Variants in RARA observed in about 807,000 individuals in gnomAD.
The protein encoded by RARA is retinoic acid receptor alpha, also known as PML-DDX5-RARA fusion.
In RARA, 5 loss-of-function variants were observed where a neutral mutation model predicts 42.8. The ratio of observed to expected loss-of-function variants is 0.12; its 90% CI spans 0.06 to 0.25. RARA has a LOEUF of 0.25. Ranked by LOEUF, RARA falls within the 10% of genes least tolerant of loss-of-function variation. The pLI is 1.00. For synonymous variants in RARA, 256 were observed against 259.5 expected (o/e 0.99, Z 0.13); for missense variants, 402 against 628.7 (o/e 0.64, Z 3.86).
At chr17:40,342,843 C>G (rs746496388) in intron 2 of RARA, 1 of 1,613,026 alleles carries the variant, frequency 6.2e-7, no homozygotes, top group Non-Finnish European at 8.5e-7. Context: ...GCTCCGGACT[C>G]CGCTTTGGAA....
rs1267359543 is a variant in RARA at position 40,320,799 on chromosome 17, A to C, written c.-362-10058A>C. ...GGAGCACTGCCTGGGATCTGGGGTG[A>C]TAGGCATCTGGGGATGGTAATCCTG... On this transcript the variant is annotated intron_variant, in intron 1 of 8. Transcript: ENST00000254066. The surrounding 1 kb of genome is among the most constrained non-coding windows in gnomAD (Gnocchi z 4.1). Among the ~76,000 whole-genome samples the C allele has an allele frequency of 6.6e-6, 1 of 152,104 alleles. No homozygotes were observed. Among genetic ancestry groups the C allele is most frequent in the African/African-American group, 2.4e-5 (1 of 41,402 alleles).
In RARA at chr17:40,333,930, C is replaced by T. The variant is rs543183776; in HGVS notation, c.178+2534C>T. On this transcript the variant is annotated intron_variant, in intron 2 of 8. Transcript: ENST00000254066. ...GGAGATATGGGCATGTACCACTGCA[C>T]CCAGCTCAGGGTAGGATTTTTGACG... is the stretch of plus-strand genomic sequence containing the variant. 4.6e-5 allele frequency among the ~76,000 whole-genome samples: 7 copies of T among 152,362 alleles called. No individual in the cohort carries two copies. The South Asian group carries it at 1.4e-3, about 32-fold the overall frequency.
At chr17:40,349,761 G>A in intron 3 of RARA, 23 bp from the exon 4 acceptor site, 1 of 1,613,196 alleles carries the variant, frequency 6.2e-7, no homozygotes. Context: ...TGGACAACCT[G>A]ACTCCCTCCC....
intron 2 of RARA, chr17:40,342,041 G>A (rs1598566832): frequency 9.4e-7 from 1 of 1,068,032 alleles, no homozygotes; most frequent in Non-Finnish European, 1.1e-6. Flanking sequence ...CGTTTCTCCC[G>A]CTGCAGCCGG....
chr17:40,310,348 GACTT>G (rs1340691921), intron 1 of RARA, among the ~76,000 whole-genome samples: 2 of 151,618 alleles, frequency 1.3e-5, no homozygotes, highest in African/African-American at 4.9e-5. Flanking sequence ...CACCTTGTCT[GACTT>G]ACCATGTGTG....
chr17:40,356,161 G>A lies in RARA; in HGVS notation c.1324G>A (p.Gly442Ser). Reference sequence around the variant, plus strand: ...CGGGGGTGGCCTGGCCCCCCCGCCAGGCAGCTGTAGCCCCAGCCTCAGCCC... The same window carrying A: ...CGGGGGTGGCCTGGCCCCCCCGCCAAGCAGCTGTAGCCCCAGCCTCAGCCC... ...RDGGGLAPPP[G>S]SCSPSLSPSS... Residue 442 changes from glycine (G) to serine (S), a missense_variant, in exon 9 of 9, where the codon GGC becomes AGC. By Grantham distance (56) the Gly-to-Ser change is moderately conservative. Transcript: ENST00000254066. The A allele has an allele frequency of 6.4e-7, 1 of 1,552,380 alleles. No individual in the cohort carries two copies. The highest frequency in any genetic ancestry group is 1.2e-5 in the South Asian group (1 of 84,312).
intron 1 of RARA, among the ~76,000 whole-genome samples, chr17:40,312,659 A>C (rs2033120433): frequency 6.6e-6 from 1 of 152,090 alleles, no homozygotes; most frequent in South Asian, 2.1e-4. Flanking sequence ...CCTTACCCAG[A>C]GGGGCATGAC....
intron 2 of RARA, among the ~76,000 whole-genome samples, chr17:40,347,258 C>T (rs900283578): frequency 1.3e-5 from 2 of 152,194 alleles, no homozygotes; most frequent in African/African-American, 2.4e-5. Context: ...ATCCTTGGCC[C>T]TGGACAAGAG....
At chr17:40,335,324 C>T (rs943878877) in intron 2 of RARA, among the ~76,000 whole-genome samples, 1 of 151,756 alleles carries the variant, frequency 6.6e-6, no homozygotes, top group Non-Finnish European at 1.5e-5. Flanking sequence ...TTTTTTTGTT[C>T]ACCCTGGGAA....
chr17:40,321,476 C>T (rs890765460), intron 1 of RARA, among the ~76,000 whole-genome samples: 1 of 152,178 alleles, frequency 6.6e-6, no homozygotes, highest in Non-Finnish European at 1.5e-5. Flanking sequence ...ACACTCTAGC[C>T]CGCCCACCTG....
chr17:40,322,617 T>G (rs1318003187), intron 1 of RARA, among the ~76,000 whole-genome samples: 1 of 151,988 alleles, frequency 6.6e-6, no homozygotes, highest in Non-Finnish European at 1.5e-5. Flanking sequence ...CCTCCTTCCC[T>G]CTGTCCCTCG....
At chr17:40,327,927 A>G (rs950337455) in intron 1 of RARA, among the ~76,000 whole-genome samples, 14 of 152,174 alleles carry the variant, frequency 9.2e-5, no homozygotes, top group African/African-American at 2.4e-5. Context: ...TTCCTCTGAC[A>G]TCAGCCCTCT....
intron 1 of RARA, among the ~76,000 whole-genome samples, chr17:40,311,412 C>T (rs1324682282): frequency 6.6e-6 from 1 of 152,034 alleles, no homozygotes; most frequent in East Asian, 1.9e-4. Flanking sequence ...GTCCTCAGGA[C>T]CTGGTTGATA....
intron 1 of RARA, among the ~76,000 whole-genome samples, chr17:40,314,632 A>T (rs1266569724): frequency 6.6e-6 from 1 of 151,424 alleles, no homozygotes; most frequent in African/African-American, 2.4e-5. Context: ...GCTGAGGCCC[A>T]TTCTTTGCCA....
rs1250487103 is a variant in RARA, at chr17:40,357,420, C to A, written c.*1194C>A. ...TCCTCCATTTCCCTGGCCTGCCCCCCACCCCCAACCTGTCCCACCCCCGTG... is the reference window on the plus strand; with the variant it reads ...TCCTCCATTTCCCTGGCCTGCCCCCAACCCCCAACCTGTCCCACCCCCGTG... On this transcript the variant is annotated 3_prime_UTR_variant, in exon 9 of 9. Transcript: ENST00000254066. 1.3e-5 allele frequency: 3 copies of A among 231,246 alleles called. No individual in the cohort carries two copies. The highest frequency in any genetic ancestry group is 1.8e-4 in the South Asian group (1 of 5,542). The allele number at this position is 231,246 out of a possible 1,614,324, so 14.3% of individuals were successfully genotyped here. A position where few individuals can be genotyped will look rare whatever the true frequency, so the allele number is the denominator to read the frequency against.
intron 6 of RARA, among the ~76,000 whole-genome samples, chr17:40,353,129 G>A (rs1480254448): frequency 1.3e-5 from 2 of 152,154 alleles, no homozygotes; most frequent in African/African-American, 2.4e-5. Flanking sequence ...TGTCTCAGAG[G>A]AGGTGACATC....
intron 1 of RARA, among the ~76,000 whole-genome samples, chr17:40,322,360 G>A (rs967646081): frequency 6.6e-6 from 1 of 152,008 alleles, no homozygotes; most frequent in Non-Finnish European, 1.5e-5. Context: ...AGTAGATGCC[G>A]GAGATGAACC....
Position 40,326,620 on chromosome 17 carries a change from CTGCTGTGCTTAGGCTAGG to C in RARA, c.-362-4236_-362-4219del. ...GTGCTCTAGCCCCCTACCCCTTTTT[CTGCTGTGCTTAGGCTAGG>C]CTCCATATATTGGAGGTGTGGGCCT... On this transcript the variant is annotated intron_variant, in intron 1 of 8. Transcript: ENST00000254066. The surrounding 1 kb of genome is among the most constrained non-coding windows in gnomAD (Gnocchi z 5.2). 1 of 152,410 alleles carries C rather than the reference CTGCTGTGCTTAGGCTAGG, an allele frequency of 6.6e-6. No individual in the cohort carries two copies. Among genetic ancestry groups the C allele is most frequent in the East Asian group, 1.9e-4 (1 of 5,178 alleles). The allele number at this position is 152,410 out of a possible 1,614,324, so 9.4% of individuals were successfully genotyped here.
At chr17:40,346,672 A>C (rs1245573102) in intron 2 of RARA, among the ~76,000 whole-genome samples, 3 of 143,090 alleles carry the variant, frequency 2.1e-5, no homozygotes, top group Non-Finnish European at 4.6e-5. Flanking sequence ...CAGGCCTCTC[A>C]GCCTGTCTGA....
Sources: gnomAD v4.1 joint callset for allele counts (sites outside exome capture counted in the v4.1 genomes callset) on GRCh38, gnomAD v4.1.1 for gene constraint, Gnocchi (gnomAD v3.1) non-coding constraint, MANE v1.5 for transcripts, NCBI Gene and HGNC (gene_info 2026-07-23, HGNC 2026-07-21) for gene names.